Variants in AUTS2 observed in about 807,000 individuals in gnomAD.
AUTS2 encodes the protein activator of transcription and developmental regulator AUTS2.
AUTS2 carries 17 observed loss-of-function variants against 112.4 expected under a neutral mutation model. That is an observed-to-expected ratio of 0.15 (90% CI 0.10 to 0.23). The LOEUF (loss-of-function observed/expected upper bound fraction) is 0.23, where lower values mean the gene tolerates loss of function less well. Ranked by LOEUF, AUTS2 falls within the 10% of genes least tolerant of loss-of-function variation. The pLI is 1.00. For missense variants in AUTS2, 1,510 were observed against 1,701.6 expected (o/e 0.89, Z 1.98); for synonymous variants, 751 against 702.7 (o/e 1.07, Z -1.09).
At chr7:69,618,988 C>G (rs1203822577) in intron 1 of AUTS2, among the ~76,000 whole-genome samples, 1 of 151,926 alleles carries the variant, frequency 6.6e-6, no homozygotes, top group Non-Finnish European at 1.5e-5. Context: ...AAAAAGCTCC[C>G]CAAGGCGAGG....
chr7:70,017,008 G>A (rs1204260677), intron 2 of AUTS2, among the ~76,000 whole-genome samples: 1 of 152,088 alleles, frequency 6.6e-6, no homozygotes, highest in Admixed American at 6.6e-5. Context: ...ATAGAGAATG[G>A]TATACAAGTA....
intron 4 of AUTS2, among the ~76,000 whole-genome samples, chr7:70,308,514 G>A (rs901854425): frequency 1.3e-5 from 2 of 152,204 alleles, no homozygotes; most frequent in East Asian, 1.9e-4. Flanking sequence ...TGCGGCTGAA[G>A]TTAACTCATG....
At chr7:70,581,254 C>G (rs986695103) in intron 5 of AUTS2, among the ~76,000 whole-genome samples, 1 of 152,152 alleles carries the variant, frequency 6.6e-6, no homozygotes, top group African/African-American at 2.4e-5. Flanking sequence ...GGCATGGTGG[C>G]TCATGCCTGT....
intron 5 of AUTS2, among the ~76,000 whole-genome samples, chr7:70,542,394 C>G (rs1454054981): frequency 1.3e-5 from 2 of 152,220 alleles, no homozygotes; most frequent in Non-Finnish European, 2.9e-5. Flanking sequence ...TTCTATTGCT[C>G]TGCTCCCCCT....
chr7:70,018,645 A>G (rs1800138156), intron 2 of AUTS2, among the ~76,000 whole-genome samples: 1 of 152,232 alleles, frequency 6.6e-6, no homozygotes, highest in African/African-American at 2.4e-5. Context: ...TGCTCAATAA[A>G]TTTGACTTAA....
chr7:70,472,041 G>A (rs1027156584), intron 5 of AUTS2, among the ~76,000 whole-genome samples: 1 of 152,118 alleles, frequency 6.6e-6, no homozygotes, highest in Non-Finnish European at 1.5e-5. Flanking sequence ...ACTCAAGTGG[G>A]CCAGCACACA....
At chr7:69,811,092 G>C (rs1790525051) in intron 1 of AUTS2, among the ~76,000 whole-genome samples, 1 of 152,018 alleles carries the variant, frequency 6.6e-6, no homozygotes, top group Non-Finnish European at 1.5e-5. Context: ...CCTTTCCTGG[G>C]GGTTCTCTGG....
chr7:70,595,350 A>C (rs1803143446), intron 5 of AUTS2, among the ~76,000 whole-genome samples: 1 of 152,178 alleles, frequency 6.6e-6, no homozygotes, highest in South Asian at 2.1e-4. Context: ...CCTACTAACT[A>C]GCTCAGGGGC....
intron 4 of AUTS2, among the ~76,000 whole-genome samples, chr7:70,369,176 A>T (rs900997431): frequency 1.3e-5 from 2 of 152,178 alleles, no homozygotes; most frequent in African/African-American, 4.8e-5. Context: ...GCAGGGAGAG[A>T]ATATGAGAGA....
chr7:70,272,877 C>A (rs1039706966), intron 4 of AUTS2, among the ~76,000 whole-genome samples: 1 of 152,080 alleles, frequency 6.6e-6, no homozygotes, highest in Non-Finnish European at 1.5e-5. Context: ...GTAGTCCCAG[C>A]TACTTGGAAG....
chr7:69,788,207 G>A (rs1015350106), intron 1 of AUTS2, among the ~76,000 whole-genome samples: 3 of 151,876 alleles, frequency 2.0e-5, no homozygotes, highest in African/African-American at 7.3e-5. Flanking sequence ...TGAGTATATT[G>A]TGTGGCAGAG....
chr7:69,966,739 C>T (rs1797649150), intron 2 of AUTS2, among the ~76,000 whole-genome samples: 1 of 152,132 alleles, frequency 6.6e-6, no homozygotes, highest in Admixed American at 6.5e-5. Context: ...AAACCATGCT[C>T]CTTGATTTCA....
intron 1 of AUTS2, among the ~76,000 whole-genome samples, chr7:69,832,479 A>G (rs1791547236): frequency 6.6e-6 from 1 of 152,168 alleles, no homozygotes; most frequent in Non-Finnish European, 1.5e-5. Flanking sequence ...AATAATGCTG[A>G]GCACTAGTCA....
intron 1 of AUTS2, among the ~76,000 whole-genome samples, chr7:69,754,489 T>A (rs769340583): frequency 7.2e-5 from 11 of 152,166 alleles, no homozygotes; most frequent in Non-Finnish European, 1.0e-4. Flanking sequence ...GAGGATGGTA[T>A]GAGAGATGCA....
chr7:70,416,442 C>T (rs570522204), intron 4 of AUTS2, among the ~76,000 whole-genome samples: 10 of 152,324 alleles, frequency 6.6e-5, no homozygotes, highest in Admixed American at 1.3e-4. Context: ...AGCTTGCTTT[C>T]GGTGGGCTCT....
intron 1 of AUTS2, among the ~76,000 whole-genome samples, chr7:69,683,879 T>C (rs1796934483): frequency 1.3e-5 from 2 of 152,126 alleles, no homozygotes; most frequent in African/African-American, 2.4e-5. Flanking sequence ...CCACTGCACT[T>C]CAGCCTGGGC....
chr7:70,464,680 A>G (rs1374531538), intron 5 of AUTS2, among the ~76,000 whole-genome samples: 3 of 152,218 alleles, frequency 2.0e-5, no homozygotes, highest in African/African-American at 7.2e-5. Context: ...AAGTGCCAGA[A>G]TAAGATGCTC....
At chr7:69,653,418 CT>C (rs1383855697) in intron 1 of AUTS2, among the ~76,000 whole-genome samples, 1 of 152,196 alleles carries the variant, frequency 6.6e-6, no homozygotes, top group Non-Finnish European at 1.5e-5. Flanking sequence ...AAGATAGTAT[CT>C]CTCTCCAGCA....
intron 4 of AUTS2, among the ~76,000 whole-genome samples, chr7:70,135,504 A>G (rs1407100270): frequency 6.6e-6 from 1 of 152,166 alleles, no homozygotes; most frequent in African/African-American, 2.4e-5. Flanking sequence ...AGTTGCTTTT[A>G]ACTTTTCTCT....
Sources: allele counts gnomAD v4.1 joint callset (sites outside exome capture counted in the v4.1 genomes callset), GRCh38; gene constraint gnomAD v4.1.1; transcripts MANE v1.5; gene names NCBI Gene and HGNC (gene_info 2026-07-23, HGNC 2026-07-21).